The following SLC25A15 variants were observed in gnomAD, a reference collection of about 807,000 sequenced individuals.
SLC25A15 encodes mitochondrial ornithine transporter 1.
In SLC25A15, 24 loss-of-function variants were observed where a neutral mutation model predicts 32.3. The ratio of observed to expected loss-of-function variants is 0.74; its 90% confidence interval spans 0.54 to 1.04. The LOEUF is 1.04. Among genes scored for constraint, SLC25A15 ranks in the 50% least tolerant of loss-of-function variants. The probability of loss-of-function intolerance (pLI) is 0.00; values close to 1 mark genes in which losing one functional copy is unlikely to be tolerated. For synonymous variants in SLC25A15, 132 were observed against 142.1 expected (o/e 0.93, Z 0.51); for missense variants, 317 against 374.5 (o/e 0.85, Z 1.27).
rs142338172 is a variant in SLC25A15, at chr13:40,803,359, C to T, written c.315-1759C>T. Among the ~76,000 whole-genome samples, 241 of 152,250 alleles carry T rather than the reference C, an allele frequency of 1.6e-3. 5 individuals are homozygous for T. Among genetic ancestry groups the T allele is most frequent in the Admixed American group, 0.015 (222 of 15,294 alleles). On this transcript the variant is annotated intron_variant, in intron 3 of 6. Transcript: ENST00000338625. ...CCACCAGAGTAGCTGGGATTACAGG[C>T]GTGCACCACCAGGCATGGCTAATTT...
At chr13:40,807,194 A>G (rs1244196973) in intron 4 of SLC25A15, 100 bp from the exon 5 acceptor site, 1 of 1,079,516 alleles carries the variant, frequency 9.3e-7, no homozygotes. Flanking sequence ...CTTCTTCCTT[A>G]CTAGTGCTTG....
chr13:40,799,352 A>G lies in SLC25A15; in HGVS notation c.314+37A>G. The stretch of plus-strand genomic sequence containing the variant: ...ACACACACTTTTTTTATTTGTTTAA[A>G]AAAACCCCACAAAACTGGCAAGACA... On this transcript the variant is annotated intron_variant, in intron 3 of 6. Transcript: ENST00000338625. The G allele has an allele frequency of 3.1e-6, 5 of 1,613,892 alleles. No homozygotes were observed. In the South Asian group the frequency reaches 5.5e-5, roughly 18 times the overall value.
rs767210508 is a variant in SLC25A15, at chr13:40,793,197, T to C, written c.-30T>C. On this transcript the variant is annotated 5_prime_UTR_variant, in exon 2 of 7. Transcript: ENST00000338625. Reference sequence around the variant, plus strand: ...TGTCATAAGCTCCAGAGAGCTGCCTTCCACAAGACCAGCAGAAGAGTGGGC... The same window carrying C: ...TGTCATAAGCTCCAGAGAGCTGCCTCCCACAAGACCAGCAGAAGAGTGGGC... 3.1e-6 allele frequency: 5 copies of C among 1,613,738 alleles called. No homozygotes were observed. The South Asian group carries it at 5.5e-5, about 18-fold the overall frequency.
rs1882328301 is a variant in SLC25A15, at chr13:40,809,020, C to A, written c.781+424C>A. Among the ~76,000 whole-genome samples, 5 of 151,562 alleles carry A rather than the reference C, an allele frequency of 3.3e-5. No individual in the cohort carries two copies. The South Asian group carries it at 1.0e-3, about 32-fold the overall frequency. ...GACAGTAACACAGAAACTTTGTGTC[C>A]CAAATAGAGGACAGATACCTTGTCT... On this transcript the variant is annotated intron_variant, in intron 6 of 6. Coordinates refer to ENST00000338625, the MANE Select transcript of SLC25A15 (RefSeq NM_014252.4).
chr13:40,795,025 TC>T (rs1881624842), intron 2 of SLC25A15, among the ~76,000 whole-genome samples: 1 of 152,096 alleles, frequency 6.6e-6, no homozygotes, highest in African/African-American at 2.4e-5. Context: ...ACAAGGAGCG[TC>T]CCAGCCCCAG....
At chr13:40,805,463 C>T (rs1882138958) in intron 4 of SLC25A15, among the ~76,000 whole-genome samples, 1 of 152,136 alleles carries the variant, frequency 6.6e-6, no homozygotes. Context: ...AAGTCTTAGA[C>T]AGATATTTAA....
chr13:40,810,821 C>T lies in SLC25A15; in HGVS notation c.*1154C>T. ...GTGCTGCTGTGCTCTGATGAAGACC[C>T]ATGTGGCTAGCAACAGCGCTTACCT... On this transcript the variant is annotated 3_prime_UTR_variant, in exon 7 of 7. Coordinates refer to ENST00000338625, the MANE Select transcript of SLC25A15 (RefSeq NM_014252.4). The T allele has an allele frequency of 1.9e-6, 1 of 534,822 alleles. No individual in the cohort carries two copies. The highest frequency in any genetic ancestry group is 1.4e-5 in the South Asian group (1 of 71,592). 33.1% of individuals were successfully genotyped at this position (534,822 alleles called of 1,614,324 possible).
At chr13:40,804,865 T>C (rs1052285926) in intron 3 of SLC25A15, among the ~76,000 whole-genome samples, 1 of 152,116 alleles carries the variant, frequency 6.6e-6, no homozygotes, top group African/African-American at 2.4e-5. Context: ...ATCATTTTTT[T>C]AGACATGGAG....
At chr13:40,801,276 T>C (rs1388835397) in intron 3 of SLC25A15, among the ~76,000 whole-genome samples, 1 of 150,498 alleles carries the variant, frequency 6.6e-6, no homozygotes, top group Non-Finnish European at 1.5e-5. Context: ...TGATTAACCT[T>C]GTCTAATCCA....
chr13:40,790,222 TC>T (rs1881431804), intron 1 of SLC25A15, among the ~76,000 whole-genome samples: 1 of 152,182 alleles, frequency 6.6e-6, no homozygotes, highest in African/African-American at 2.4e-5. Flanking sequence ...CCGCAGCAGT[TC>T]GTGTTCCCTG....
At chr13:40,791,947 C>T (rs1453771600) in intron 1 of SLC25A15, among the ~76,000 whole-genome samples, 21 of 152,176 alleles carry the variant, frequency 1.4e-4, no homozygotes, top group Non-Finnish European at 2.9e-5. Context: ...GTGTTAGGAG[C>T]GTGCTTGGTG....
At chr13:40,805,091 G>C in intron 3 of SLC25A15, 27 bp from the exon 4 acceptor site, 9 of 1,613,662 alleles carry the variant, frequency 5.6e-6, no homozygotes, top group Non-Finnish European at 7.6e-6. Context: ...GAAACTGAGG[G>C]GTAACTGTCT....
chr13:40,790,154 T>G (rs536165106), intron 1 of SLC25A15, among the ~76,000 whole-genome samples: 1 of 152,262 alleles, frequency 6.6e-6, no homozygotes, highest in East Asian at 1.9e-4. Context: ...AAGCCCGGGC[T>G]CTGGGGACTG....
At position 40,811,518 on chromosome 13, in the gene SLC25A15, A is replaced by ACTT. The variant is rs1438957823; in HGVS notation, c.*1853_*1855dup. On this transcript the variant is annotated 3_prime_UTR_variant, in exon 7 of 7. Transcript: ENST00000338625. Reference sequence around the variant, plus strand: ...AAAAAAAGAAAAGAAAAGCAATTGTACTTCACTATGCCATATGTATGTATT... The same window carrying ACTT: ...AAAAAAAGAAAAGAAAAGCAATTGTACTTCTTCACTATGCCATATGTATGTATT... Among the ~76,000 whole-genome samples, 2 of 152,086 alleles carry ACTT rather than the reference A, an allele frequency of 1.3e-5. No individual in the cohort carries two copies. The highest frequency in any genetic ancestry group is 4.8e-5 in the African/African-American group (2 of 41,418).
chr13:40,793,448 AGTAACATCCT>A (rs2138039805), intron 2 of SLC25A15, among the ~76,000 whole-genome samples, 167 bp downstream of exon 2: 1 of 152,384 alleles, frequency 6.6e-6, no homozygotes, highest in East Asian at 1.9e-4. Context: ...CATCCAGTAC[AGTAACATCCT>A]GTACAGGTGT....
chr13:40,791,665 G>A (rs1881510133), intron 1 of SLC25A15, among the ~76,000 whole-genome samples: 1 of 152,068 alleles, frequency 6.6e-6, no homozygotes, highest in African/African-American at 2.4e-5. Context: ...CCAGGACCCT[G>A]ATAAACTTTT....
At chr13:40,806,193 T>G (rs930896505) in intron 4 of SLC25A15, among the ~76,000 whole-genome samples, 3 of 152,180 alleles carry the variant, frequency 2.0e-5, no homozygotes, top group African/African-American at 7.2e-5. Flanking sequence ...ATACACATAG[T>G]ATCATGAATG....
Position 40,810,725 on chromosome 13 carries a change from C to A in SLC25A15, c.*1058C>A, listed in dbSNP as rs1882410593. 2 of 534,078 alleles carry A rather than the reference C, an allele frequency of 3.7e-6. No individual in the cohort carries two copies. Among genetic ancestry groups the A allele is most frequent in the African/African-American group, 1.9e-5 (1 of 51,932 alleles). The allele number at this position is 534,078 out of a possible 1,614,324, so 33.1% of individuals were successfully genotyped here. ...CTTTGGGAAATAGCATGGCCTTTAC[C>A]AGCTTCCCTTCTCTCCCAAAGAACT... On this transcript the variant is annotated 3_prime_UTR_variant, in exon 7 of 7. Coordinates refer to ENST00000338625, the MANE Select transcript of SLC25A15 (RefSeq NM_014252.4).
chr13:40,789,912 T>G (rs1881420254), intron 1 of SLC25A15, among the ~76,000 whole-genome samples: 1 of 152,094 alleles, frequency 6.6e-6, no homozygotes, highest in African/African-American at 2.4e-5. Context: ...GTCATTTGGC[T>G]GCGGGGCTCC....
Sources: gnomAD v4.1 joint callset for allele counts (sites outside exome capture counted in the v4.1 genomes callset) on GRCh38, gnomAD v4.1.1 for gene constraint, MANE v1.5 for transcripts, NCBI Gene and HGNC (gene_info 2026-07-23, HGNC 2026-07-21) for gene names.